ANKRD18A: variants seen among roughly 807,000 people sequenced by gnomAD.
ANKRD18A encodes the protein ankyrin repeat domain 18A, also known as ankyrin repeat domain-containing protein 18A.
A neutral mutation model predicts 110.6 loss-of-function variants in ANKRD18A; 72 were observed. The ratio of observed to expected loss-of-function variants is 0.65; its 90% CI spans 0.54 to 0.79. The LOEUF (loss-of-function observed/expected upper bound fraction) is 0.79. ANKRD18A is among the 30% of genes least tolerant of loss of function. ANKRD18A has a pLI of 0.00. For synonymous variants in ANKRD18A, 305 were observed against 410.3 expected (o/e 0.74, Z 3.10); for missense variants, 934 against 1,163.3 (o/e 0.80, Z 2.87).
At chr9:38,614,228 T>G (rs1331084114) in intron 3 of ANKRD18A, among the ~76,000 whole-genome samples, 1,969 of 135,086 alleles carry the variant, frequency 0.015, 40 homozygotes, top group African/African-American at 0.06. Flanking sequence ...GGTTTTTTTT[T>G]TTTTTTTTTT....
rs567375412 is a variant in ANKRD18A, at chr9:38,573,117, G to A, written c.2965-1058C>T. On this transcript the variant is annotated intron_variant, in intron 15 of 15. Coordinates refer to ENST00000399703, the MANE Select transcript of ANKRD18A (RefSeq NM_147195.4). ...GTTCCTGTAATTATTTGTTCTACAC[G>A]GTCCAGCTCCATCTAAAATAAGTAA... The A allele has an allele frequency of 3.1e-5, 42 of 1,350,282 alleles. No individual in the cohort carries two copies. In the East Asian group the frequency reaches 7.4e-4, roughly 24 times the overall value. 83.6% of individuals were successfully genotyped at this position (1,350,282 alleles called of 1,614,324 possible). A position where few individuals can be genotyped will look rare whatever the true frequency, so the allele number is the denominator to read the frequency against.
chr9:38,611,451 T>G, intron 3 of ANKRD18A, 130 bp from the exon 4 acceptor site: 5 of 1,446,834 alleles, frequency 3.5e-6, no homozygotes, highest in Non-Finnish European at 4.5e-6. Flanking sequence ...AGCAGTCCCG[T>G]CCCTTTCACT....
chr9:38,582,909 G>C (rs1427833910), intron 12 of ANKRD18A, among the ~76,000 whole-genome samples: 4 of 152,190 alleles, frequency 2.6e-5, no homozygotes, highest in Non-Finnish European at 4.4e-5. Flanking sequence ...TATTTGAAAA[G>C]TGTATATCTG....
downstream of ANKRD18A, chr9:38,569,161 G>A (rs530347358): frequency 5.2e-4 from 512 of 985,276 alleles, 1 homozygote; most frequent in Middle Eastern, 3.1e-3. Context: ...TGGTTATCAC[G>A]GAGCGAGACT....
At chr9:38,576,525 T>G (rs1303954042) in intron 14 of ANKRD18A, among the ~76,000 whole-genome samples, 2 of 152,258 alleles carry the variant, frequency 1.3e-5, no homozygotes, top group African/African-American at 4.8e-5. Flanking sequence ...GATGACTTTA[T>G]GTAACACCTT....
intron 9 of ANKRD18A, among the ~76,000 whole-genome samples, chr9:38,594,348 C>T (rs980741371): frequency 4.3e-4 from 65 of 152,126 alleles, no homozygotes; most frequent in African/African-American, 1.6e-3. Context: ...AACTCTGCCA[C>T]CCCTCATTAG....
In ANKRD18A at chr9:38,577,164, A is replaced by C; in HGVS notation, c.2630T>G (p.Phe877Cys). Residue 877 changes from phenylalanine (F) to cysteine (C), a missense_variant, in exon 14 of 16, where the codon TTC (phenylalanine) becomes TGC (cysteine). Physicochemically the swap from Phe to Cys is radical, Grantham distance 205 (BLOSUM62 -2). Transcript: ENST00000399703. ...ELTLKDVECK[F>C]SKMKTAYEEV... is the part of the protein sequence containing the mutation. ...TTCATAAGCAGTTTTCATTTTGGAG[A>C]ATTTACATTCCACATCTTTAAGTGT... 6.5e-7 allele frequency: 1 copy of C among 1,549,154 alleles called. No homozygotes were observed. Among genetic ancestry groups the C allele is most frequent in the South Asian group, 1.2e-5 (1 of 83,698 alleles).
intron 4 of ANKRD18A, 106 bp downstream of exon 4, chr9:38,611,109 A>C: frequency 7.0e-7 from 1 of 1,435,836 alleles, no homozygotes; most frequent in Non-Finnish European, 9.1e-7. Flanking sequence ...TATGCCAATA[A>C]TTATAAGTTT....
rs191148329 is a variant in ANKRD18A at position 38,578,245 on chromosome 9, A to G, written c.2248-97T>C. The G allele has an allele frequency of 1.8e-3, 2,105 of 1,177,162 alleles. 24 individuals carry two copies. The African/African-American group carries it at 0.029, about 16-fold the overall frequency. 72.9% of individuals were successfully genotyped at this position (1,177,162 alleles called of 1,614,324 possible). Reference sequence around the variant, plus strand: ...ATTTTGAAATGCATTGACTTGAAATAAAATGTTATCTATAATGTAGTAGAT... The same window carrying G: ...ATTTTGAAATGCATTGACTTGAAATGAAATGTTATCTATAATGTAGTAGAT... On this transcript the variant is annotated intron_variant, in intron 12 of 15. Transcript: ENST00000399703.
intron 15 of ANKRD18A, among the ~76,000 whole-genome samples, chr9:38,574,243 T>C (rs1250858030): frequency 6.6e-6 from 1 of 152,222 alleles, no homozygotes; most frequent in Non-Finnish European, 1.5e-5. Flanking sequence ...TTTATTCTTT[T>C]CATGGCTGCA....
intron 7 of ANKRD18A, 69 bp from the exon 8 acceptor site, chr9:38,601,273 G>C (rs967865854): frequency 7.4e-7 from 1 of 1,347,610 alleles, no homozygotes. Context: ...AATTGATACA[G>C]AACAACACAC....
At chr9:38,572,879 G>C (rs1368441911) in intron 15 of ANKRD18A, 1 of 271,832 alleles carries the variant, frequency 3.7e-6, no homozygotes, top group Non-Finnish European at 7.0e-6. Flanking sequence ...AATTTTTTAA[G>C]CTATGGAACA....
At chr9:38,573,259 T>G (rs1260348864) in intron 15 of ANKRD18A, 18 of 440,766 alleles carry the variant, frequency 4.1e-5, no homozygotes. Context: ...TTTGCTTAAA[T>G]AGAAAATTAA....
intron 12 of ANKRD18A, among the ~76,000 whole-genome samples, chr9:38,579,952 CA>C (rs1182883212): frequency 6.6e-6 from 1 of 152,104 alleles, no homozygotes; most frequent in South Asian, 2.1e-4. Context: ...AATGAATGGA[CA>C]AAAAAATTGT....
intron 1 of ANKRD18A, 151 bp downstream of exon 1, chr9:38,619,929 T>C: frequency 9.9e-7 from 1 of 1,010,532 alleles, no homozygotes; most frequent in Non-Finnish European, 1.4e-6. Flanking sequence ...GACGGGGAAT[T>C]GCCAGCGACG....
chr9:38,586,043 G>A, intron 12 of ANKRD18A, 140 bp downstream of exon 12: 1 of 906,782 alleles, frequency 1.1e-6, no homozygotes. Context: ...AATAGCTAAT[G>A]CCTACGGGGC....
chr9:38,599,902 G>A (rs1226357726), intron 8 of ANKRD18A, among the ~76,000 whole-genome samples: 1 of 152,158 alleles, frequency 6.6e-6, no homozygotes, highest in East Asian at 1.9e-4. Flanking sequence ...TTTCTCAAAT[G>A]TCTTTTCTGA....
chr9:38,601,785 G>A (rs1825125409), intron 7 of ANKRD18A, among the ~76,000 whole-genome samples: 1 of 151,972 alleles, frequency 6.6e-6, no homozygotes, highest in African/African-American at 2.4e-5. Context: ...GAAGCCAGGA[G>A]TTTAAGATCA....
intron 5 of ANKRD18A, among the ~76,000 whole-genome samples, chr9:38,609,940 CAAAA>C (rs1312973805): frequency 5.5e-5 from 5 of 91,106 alleles, no homozygotes; most frequent in Admixed American, 2.2e-4. Flanking sequence ...GACCTTGTCT[CAAAA>C]AAAAAAAAAA....
Sources: gnomAD v4.1 joint callset for allele counts (sites outside exome capture counted in the v4.1 genomes callset) on GRCh38, gnomAD v4.1.1 for gene constraint, MANE v1.5 for transcripts, NCBI Gene and HGNC (gene_info 2026-07-23, HGNC 2026-07-21) for gene names.